The following IL1RAPL1 variants were observed in gnomAD, a reference collection of about 807,000 sequenced individuals.
IL1RAPL1 encodes interleukin 1 receptor accessory protein like 1.
In IL1RAPL1, 3 loss-of-function variants were observed where a neutral mutation model predicts 48.4. The observed-to-expected ratio is 0.06, with a 90% CI of 0.03 to 0.16. The LOEUF is 0.16. IL1RAPL1 is among the 10% of genes least tolerant of loss of function. The pLI is 1.00. For missense variants in IL1RAPL1, 349 were observed against 530.6 expected, an observed-to-expected ratio of 0.66 and a Z score of 3.36; for synonymous variants, 185 against 187.7, an observed-to-expected ratio of 0.99 and a Z score of 0.12.
chrX:29,537,216 A>G (rs1921262862), intron 5 of IL1RAPL1, among the ~76,000 whole-genome samples: 1 of 111,199 alleles, frequency 9.0e-6, no homozygotes, highest in Non-Finnish European at 1.9e-5. Flanking sequence ...GGATATGCAG[A>G]AACACTGAAT....
chrX:29,612,177 G>A (rs1052414458), intron 5 of IL1RAPL1, among the ~76,000 whole-genome samples: 4 of 111,080 alleles, frequency 3.6e-5, no homozygotes, highest in Non-Finnish European at 7.5e-5. Flanking sequence ...CCTGCCTCCT[G>A]TCCGTATCAA....
intron 2 of IL1RAPL1, among the ~76,000 whole-genome samples, chrX:28,969,247 T>A (rs1015249298): frequency 1.8e-5 from 2 of 112,274 alleles, no homozygotes; most frequent in African/African-American, 6.5e-5. Flanking sequence ...TATTAAAACC[T>A]ACAGAGACAA....
At chrX:28,774,665 T>A (rs1158598806) in intron 1 of IL1RAPL1, among the ~76,000 whole-genome samples, 1 of 111,710 alleles carries the variant, frequency 9.0e-6, no homozygotes, top group Non-Finnish European at 1.9e-5. Flanking sequence ...TGACATACCA[T>A]CACTCTGGCC....
intron 5 of IL1RAPL1, among the ~76,000 whole-genome samples, chrX:29,540,360 G>A (rs1416960542): frequency 2.7e-5 from 3 of 111,040 alleles, no homozygotes; most frequent in Non-Finnish European, 3.8e-5. Flanking sequence ...ATTGTCCAAA[G>A]CAATCTACAG....
intron 2 of IL1RAPL1, among the ~76,000 whole-genome samples, chrX:28,945,732 A>G (rs1246441667): frequency 9.1e-6 from 1 of 110,219 alleles, no homozygotes; most frequent in Non-Finnish European, 1.9e-5. Flanking sequence ...AAACCTACAC[A>G]TTCTGCACTT....
At chrX:29,683,325 C>G (rs1011735119) in intron 6 of IL1RAPL1, among the ~76,000 whole-genome samples, 4 of 111,819 alleles carry the variant, frequency 3.6e-5, no homozygotes, top group Non-Finnish European at 7.5e-5. Context: ...GTTCCTTGTT[C>G]CCCAAGACGC....
intron 5 of IL1RAPL1, among the ~76,000 whole-genome samples, chrX:29,633,185 C>T (rs1486809084): frequency 9.0e-6 from 1 of 110,626 alleles, no homozygotes; most frequent in East Asian, 2.8e-4. Flanking sequence ...AAATGAGTTC[C>T]GATTTCACAC....
intron 5 of IL1RAPL1, among the ~76,000 whole-genome samples, chrX:29,563,057 T>C (rs1922291769): frequency 8.9e-6 from 1 of 111,886 alleles, no homozygotes; most frequent in African/African-American, 3.2e-5. Flanking sequence ...TATTGTTATT[T>C]GAATATTTGC....
intron 5 of IL1RAPL1, among the ~76,000 whole-genome samples, chrX:29,538,877 T>C (rs1206336565): frequency 9.0e-6 from 1 of 111,549 alleles, no homozygotes; most frequent in Non-Finnish European, 1.9e-5. Flanking sequence ...TCAGTCTAAA[T>C]AGCTGCCTTT....
intron 2 of IL1RAPL1, among the ~76,000 whole-genome samples, chrX:28,963,160 G>A (rs185136930): frequency 9.0e-6 from 1 of 110,973 alleles, no homozygotes; most frequent in African/African-American, 3.3e-5. Context: ...AAAAATCTGT[G>A]GGCACTGCCT....
chrX:28,925,354 G>A (rs1046630023), intron 2 of IL1RAPL1, among the ~76,000 whole-genome samples: 2 of 111,528 alleles, frequency 1.8e-5, no homozygotes, highest in African/African-American at 6.5e-5. Context: ...ATACATGACC[G>A]TACTACCTGC....
intron 6 of IL1RAPL1, among the ~76,000 whole-genome samples, chrX:29,697,056 T>G (rs2147113804): frequency 8.9e-6 from 1 of 111,923 alleles, no homozygotes; most frequent in South Asian, 3.7e-4. Flanking sequence ...GATTTTTTTA[T>G]AGGTCACTGT....
rs1258319636 is a variant in IL1RAPL1 at position 29,559,676 on chromosome X, A to C, written c.704-108754A>C. Among the ~76,000 whole-genome samples the C allele has an allele frequency of 3.6e-5, 4 of 110,498 alleles. No individual in the cohort carries two copies. The East Asian group carries it at 1.1e-3, about 31-fold the overall frequency. On this transcript the variant is annotated intron_variant, in intron 5 of 10. Coordinates refer to ENST00000378993, the MANE Select transcript of IL1RAPL1 (RefSeq NM_014271.4). ...TTCTCTTAGATTTTGTGTATCTACT[A>C]ATTTTTTTTTTCATTGTGGTTACCA...
chrX:29,097,544 C>A (rs1228478894), intron 2 of IL1RAPL1, among the ~76,000 whole-genome samples: 1 of 111,745 alleles, frequency 8.9e-6, no homozygotes, highest in Non-Finnish European at 1.9e-5. Context: ...CCCAAAGTAT[C>A]CAAGGAGTTG....
At chrX:29,745,345 TAATAA>T (rs1928303188) in intron 6 of IL1RAPL1, among the ~76,000 whole-genome samples, 1 of 107,369 alleles carries the variant, frequency 9.3e-6, no homozygotes, top group Non-Finnish European at 1.9e-5. Context: ...TACCTGACAG[TAATAA>T]AATCAGGAAG....
intron 6 of IL1RAPL1, among the ~76,000 whole-genome samples, chrX:29,882,008 G>A (rs112681850): frequency 0.042 from 4,679 of 111,057 alleles, 224 homozygotes; most frequent in African/African-American, 0.14. Flanking sequence ...GTGCTCTACT[G>A]ATATATCAAA....
chrX:29,080,994 T>TC lies in IL1RAPL1; in HGVS notation c.83-201944_83-201943insC, dbSNP rs1927809544. ...TTTCTTTCTTTCTTTCTTTCTTTCTTTCTCTCTCTCTCTCTCTCTCTCTCT... is the reference window on the plus strand; with the variant it reads ...TTTCTTTCTTTCTTTCTTTCTTTCTTCTCTCTCTCTCTCTCTCTCTCTCTCT... On this transcript the variant is annotated intron_variant, in intron 2 of 10. Transcript: ENST00000378993. Among the ~76,000 whole-genome samples the TC allele has an allele frequency of 6.1e-3, 162 of 26,403 alleles. 3 individuals are homozygous for TC. The highest frequency in any genetic ancestry group is 0.016 in the South Asian group (5 of 321). 22.9% of individuals were successfully genotyped at this position (26,403 alleles called of 115,157 possible). A position where few individuals can be genotyped will look rare whatever the true frequency, so the allele number is the denominator to read the frequency against.
At chrX:29,372,264 ATTGAG>A (rs1417840598) in intron 3 of IL1RAPL1, among the ~76,000 whole-genome samples, 1 of 111,575 alleles carries the variant, frequency 9.0e-6, no homozygotes, top group Non-Finnish European at 1.9e-5. Flanking sequence ...CCCATGTTTA[ATTGAG>A]TTATTTGTTT....
intron 6 of IL1RAPL1, among the ~76,000 whole-genome samples, chrX:29,746,353 G>A (rs962913839): frequency 1.8e-5 from 2 of 111,649 alleles, no homozygotes; most frequent in Non-Finnish European, 3.8e-5. Context: ...AAAGAACTTA[G>A]AAATTTGATA....
Sources: allele counts gnomAD v4.1 joint callset (sites outside exome capture counted in the v4.1 genomes callset), GRCh38; gene constraint gnomAD v4.1.1; transcripts MANE v1.5; gene names NCBI Gene and HGNC (gene_info 2026-07-23, HGNC 2026-07-21).